LONRF2: variants seen among roughly 807,000 people sequenced by gnomAD.
The protein encoded by LONRF2 is LON peptidase N-terminal domain and ring finger 2, also known as LON peptidase N-terminal domain and RING finger protein 2.
LONRF2 carries 35 observed loss-of-function variants against 66.6 expected under a neutral mutation model. The observed-to-expected ratio is 0.53, with a 90% CI of 0.40 to 0.70. LONRF2 has a LOEUF of 0.70. Among genes scored for constraint, LONRF2 ranks in the 30% least tolerant of loss-of-function variants. LONRF2 has a pLI of 0.00. For missense variants in LONRF2, 902 were observed against 1,002.1 expected (o/e 0.90, Z 1.35); for synonymous variants, 417 against 418.1 (o/e 1.00, Z 0.03).
intron 1 of LONRF2, among the ~76,000 whole-genome samples, chr2:100,310,051 G>C (rs1239532817): frequency 6.6e-6 from 1 of 152,030 alleles, no homozygotes; most frequent in Non-Finnish European, 1.5e-5. Context: ...CTCTTAAGGA[G>C]GGAAAGGAAA....
chr2:100,298,806 C>A (rs1208918359), intron 7 of LONRF2, 30 bp downstream of exon 7: 8 of 1,512,706 alleles, frequency 5.3e-6, no homozygotes, highest in Non-Finnish European at 7.4e-6. Flanking sequence ...AGAGGAGGAG[C>A]TGTCCCGTCA....
chr2:100,305,030 T>C (rs556668863), intron 2 of LONRF2, among the ~76,000 whole-genome samples: 4 of 152,136 alleles, frequency 2.6e-5, no homozygotes, highest in Non-Finnish European at 5.9e-5. Context: ...CACTCCGGGA[T>C]TTCTCTGCTT....
intron 1 of LONRF2, among the ~76,000 whole-genome samples, chr2:100,315,192 A>C (rs1162813960): frequency 1.3e-5 from 2 of 152,210 alleles, no homozygotes; most frequent in Non-Finnish European, 2.9e-5. Context: ...TCTTTCAGCT[A>C]TTTCAGGATT....
intron 1 of LONRF2, among the ~76,000 whole-genome samples, chr2:100,310,249 A>C (rs938958539): frequency 6.6e-6 from 1 of 152,194 alleles, no homozygotes; most frequent in Admixed American, 6.5e-5. Flanking sequence ...AGAAAGGCAG[A>C]ACCATCACAG....
At chr2:100,307,290 C>A (rs560547485) in intron 2 of LONRF2, among the ~76,000 whole-genome samples, 1 of 152,142 alleles carries the variant, frequency 6.6e-6, no homozygotes, top group African/African-American at 2.4e-5. Flanking sequence ...AATTGAGGTC[C>A]ACAGATTTGC....
At chr2:100,300,009 G>T in intron 4 of LONRF2, 91 bp from the exon 5 acceptor site, 1 of 363,374 alleles carries the variant, frequency 2.8e-6, no homozygotes, top group Non-Finnish European at 4.3e-6. Context: ...AGAAATCTTT[G>T]GAAAAAAAAA....
At chr2:100,290,512 C>T in intron 9 of LONRF2, 92 bp from the exon 10 acceptor site, 1 of 1,295,876 alleles carries the variant, frequency 7.7e-7, no homozygotes. Context: ...AAAAGGAATA[C>T]AAAGCCACAC....
chr2:100,319,777 G>A (rs1675583977), intron 1 of LONRF2, among the ~76,000 whole-genome samples: 1 of 152,112 alleles, frequency 6.6e-6, no homozygotes, highest in Admixed American at 6.5e-5. Context: ...GTGCACTTTT[G>A]GGGTATCTCT....
rs1248869001 is a variant in LONRF2 at position 100,321,869 on chromosome 2, G to C, written c.225C>G (p.Pro75=). The change falls in exon 1 of 12, where the codon CCC becomes CCG. Residue 75 remains proline, a synonymous_variant. Transcript: ENST00000393437. ...GDALARAGRL[P]EALGAFRGAA... is the part of the protein sequence containing the mutation. ...CGCCGCGGAACGCGCCCAGGGCTTC[G>C]GGGAGGCGGCCGGCGCGGGCCAGCG... 12 of 1,206,650 alleles carry C rather than the reference G, an allele frequency of 9.9e-6. No individual in the cohort carries two copies. The African/African-American group carries it at 1.8e-4, about 18-fold the overall frequency. The allele number at this position is 1,206,650 out of a possible 1,614,324, so 74.7% of individuals were successfully genotyped here. A position where few individuals can be genotyped will look rare whatever the true frequency, so the allele number is the denominator to read the frequency against.
rs1423167315 is a variant in LONRF2 at position 100,290,262 on chromosome 2, T to G, written c.1916A>C (p.Glu639Ala). The G allele has an allele frequency of 6.2e-7, 1 of 1,612,374 alleles. No individual in the cohort carries two copies. Among genetic ancestry groups the G allele is most frequent in the East Asian group, 2.2e-5 (1 of 44,862 alleles). ...CACCAGTATGATAAGCCTTACCTTT[T>G]CATCTTCAAGATATTCAATGTCCGC... ...NTADIEYLED[E>A]KVEGPEYEEL... The change falls in exon 10 of 12, where the codon GAA becomes GCA. Residue 639 changes from glutamate (E) to alanine (A), a missense_variant. Physicochemically the swap from Glu to Ala is moderately radical, Grantham distance 107. This residue lies in a region of LONRF2 where 317 missense variants were observed against 432.2 expected (regional missense o/e 0.73). Transcript: ENST00000393437.
chr2:100,294,182 G>A (rs774654204), intron 9 of LONRF2, 47 bp downstream of exon 9: 9 of 1,585,686 alleles, frequency 5.7e-6, no homozygotes, highest in Middle Eastern at 1.7e-4. Flanking sequence ...AATGACAAAC[G>A]ATGCCCTTCA....
Position 100,321,786 on chromosome 2 carries a change from A to C in LONRF2, c.308T>G (p.Val103Gly). Residue 103 changes from valine to glycine, a missense_variant, in exon 1 of 12, where the codon GTG becomes GGG. Val to Gly is a moderately radical substitution (Grantham distance 109). Around this residue, in one of 2 missense-constraint regions of LONRF2, gnomAD observed 585 missense variants for 569.9 expected, o/e 1.03. Coordinates refer to ENST00000393437, the MANE Select transcript of LONRF2 (RefSeq NM_198461.4). Reference protein sequence around the residue: ...EELEELAGGLVRAVGLRDRPL... With the variant: ...EELEELAGGLGRAVGLRDRPL... Reference sequence around the variant, plus strand: ...CCGGTCGCGCAGGCCCACGGCGCGCACCAGGCCGCCCGCCAGCTCTTCCAG... The same window carrying C: ...CCGGTCGCGCAGGCCCACGGCGCGCCCCAGGCCGCCCGCCAGCTCTTCCAG... 1 of 1,052,410 alleles carries C rather than the reference A, an allele frequency of 9.5e-7. No individual in the cohort carries two copies. Among genetic ancestry groups the C allele is most frequent in the Non-Finnish European group, 1.1e-6 (1 of 874,948 alleles). 65.2% of individuals were successfully genotyped at this position (1,052,410 alleles called of 1,614,324 possible). A position where few individuals can be genotyped will look rare whatever the true frequency, so the allele number is the denominator to read the frequency against.
rs1305400059 is a variant in LONRF2 at position 100,284,529 on chromosome 2, G to A, written c.2071-37C>T. On this transcript the variant is annotated intron_variant, in intron 11 of 11. Coordinates refer to ENST00000393437, the MANE Select transcript of LONRF2 (RefSeq NM_198461.4). ...ATGAGGGGAAAGCAAGGTTAACACT[G>A]GAAATGCAAGCCTGTTCCCCAACAC... 3 of 1,469,600 alleles carry A rather than the reference G, an allele frequency of 2.0e-6. No individual in the cohort carries two copies. The African/African-American group carries it at 4.2e-5, about 21-fold the overall frequency. 91.0% of individuals were successfully genotyped at this position (1,469,600 alleles called of 1,614,324 possible).
intron 7 of LONRF2, among the ~76,000 whole-genome samples, chr2:100,296,762 A>C (rs558074290): frequency 6.6e-6 from 1 of 152,298 alleles, no homozygotes; most frequent in East Asian, 1.9e-4. Flanking sequence ...TATTTAATAA[A>C]TGGTTTATGA....
At chr2:100,291,891 C>T (rs1210593290) in intron 9 of LONRF2, among the ~76,000 whole-genome samples, 1 of 152,196 alleles carries the variant, frequency 6.6e-6, no homozygotes, top group Non-Finnish European at 1.5e-5. Context: ...CCAAGCACCA[C>T]ACACAGCAGT....
rs1456072627 is a variant in LONRF2 at position 100,276,574 on chromosome 2, A to C, written c.*7724T>G. On this transcript the variant is annotated 3_prime_UTR_variant, in exon 12 of 12. Transcript: ENST00000393437. The stretch of plus-strand genomic sequence containing the variant: ...GGTATTCAAGGATTAAAACTTACTA[A>C]TTAATAAAGGGGTGATTATACCCTT... The C allele has an allele frequency of 6.6e-6, 1 of 152,176 alleles. No homozygotes were observed. Among genetic ancestry groups the C allele is most frequent in the Non-Finnish European group, 1.5e-5 (1 of 68,036 alleles). 9.4% of individuals were successfully genotyped at this position (152,176 alleles called of 1,614,324 possible). A position where few individuals can be genotyped will look rare whatever the true frequency, so the allele number is the denominator to read the frequency against.
Position 100,278,234 on chromosome 2 carries a change from T to C in LONRF2, c.*6064A>G, listed in dbSNP as rs927230159. The C allele has an allele frequency of 1.3e-5, 2 of 152,136 alleles. No individual in the cohort carries two copies. The highest frequency in any genetic ancestry group is 2.1e-4 in the South Asian group (1 of 4,822). The allele number at this position is 152,136 out of a possible 1,614,324, so 9.4% of individuals were successfully genotyped here. A position where few individuals can be genotyped will look rare whatever the true frequency, so the allele number is the denominator to read the frequency against. On this transcript the variant is annotated 3_prime_UTR_variant, in exon 12 of 12. Transcript: ENST00000393437. ...CAAACTTTAAAAAACATTACCATAG[T>C]CCCCTTTAAACATAAAAAGAGGGCT... is the stretch of plus-strand genomic sequence containing the variant.
At chr2:100,311,384 G>A (rs1041698569) in intron 1 of LONRF2, among the ~76,000 whole-genome samples, 4 of 151,578 alleles carry the variant, frequency 2.6e-5, no homozygotes, top group African/African-American at 7.3e-5. Flanking sequence ...AAAAAAAAAT[G>A]TGCTCCTGGA....
chr2:100,301,908 T>G (rs1675192446), intron 3 of LONRF2, among the ~76,000 whole-genome samples: 1 of 152,184 alleles, frequency 6.6e-6, no homozygotes, highest in Non-Finnish European at 1.5e-5. Context: ...TTTGACAAGT[T>G]GAAATGATGG....
Sources: gnomAD v4.1 joint callset for allele counts (sites outside exome capture counted in the v4.1 genomes callset) on GRCh38, gnomAD v4.1.1 for gene constraint, gnomAD v4.1.1 regional missense constraint, MANE v1.5 for transcripts, NCBI Gene and HGNC (gene_info 2026-07-23, HGNC 2026-07-21) for gene names.